CAMTA1: variants seen among roughly 807,000 people sequenced by gnomAD.
CAMTA1 encodes calmodulin binding transcription activator 1, also known as calmodulin-binding transcription activator 1.
A neutral mutation model predicts 170.9 loss-of-function variants in CAMTA1; 27 were observed. The ratio of observed to expected loss-of-function variants is 0.16; its 90% CI spans 0.12 to 0.22. The LOEUF is 0.22. CAMTA1 is among the 10% of genes least tolerant of loss of function. The probability of loss-of-function intolerance (pLI) is 1.00; values close to 1 mark genes in which losing one functional copy is unlikely to be tolerated. For synonymous variants in CAMTA1, 833 were observed against 891.5 expected (o/e 0.93, Z 1.17); for missense variants, 1,619 against 2,217.2 (o/e 0.73, Z 5.42).
chr1:7,505,912 G>C (rs2462928), intron 6 of CAMTA1, among the ~76,000 whole-genome samples: 132,990 of 152,118 alleles, frequency 0.87, 58,595 homozygotes, highest in African/African-American at 0.96. Context: ...ACCTCACCTG[G>C]CCCTCCCAGT....
At position 7,310,732 on chromosome 1, in the gene CAMTA1, TTCTTTCTTTC is replaced by T. The variant is rs1557492196; in HGVS notation, c.438+61108_438+61117del. Among the ~76,000 whole-genome samples, 456 of 95,856 alleles carry T rather than the reference TTCTTTCTTTC, an allele frequency of 4.8e-3. 34 individuals carry two copies. Among genetic ancestry groups the T allele is most frequent in the Middle Eastern group, 0.013 (2 of 154 alleles). 62.9% of individuals were successfully genotyped at this position (95,856 alleles called of 152,430 possible). On this transcript the variant is annotated intron_variant, in intron 5 of 22. Transcript: ENST00000303635. ...TTTCTTTCTTTCTTTCTTTCTTTCT[TTCTTTCTTTC>T]TTTTTTTTAAGACAGTCTTGCTCTG... is the stretch of plus-strand genomic sequence containing the variant.
intron 3 of CAMTA1, among the ~76,000 whole-genome samples, chr1:6,833,156 C>T (rs919070528): frequency 2.6e-5 from 4 of 152,172 alleles, no homozygotes; most frequent in African/African-American, 9.7e-5. Flanking sequence ...ATTGCACCCT[C>T]AGAGTACAGC....
intron 5 of CAMTA1, among the ~76,000 whole-genome samples, chr1:7,370,934 C>T (rs1308439681): frequency 2.8e-3 from 7 of 2,466 alleles, no homozygotes; most frequent in African/African-American, 5.5e-3. Flanking sequence ...TTTTTTGAGA[C>T]GGAGTCTCAC....
chr1:7,614,428 G>T (rs965027892), intron 6 of CAMTA1, among the ~76,000 whole-genome samples: 1 of 152,118 alleles, frequency 6.6e-6, no homozygotes, highest in South Asian at 2.1e-4. Context: ...ATTCATTGAT[G>T]CCAGAACTGA....
At chr1:7,386,471 C>A (rs2088002066) in intron 5 of CAMTA1, among the ~76,000 whole-genome samples, 1 of 152,214 alleles carries the variant, frequency 6.6e-6, no homozygotes, top group African/African-American at 2.4e-5. Flanking sequence ...GGTTTCCAGC[C>A]ATGGCTGGGC....
rs563660387 is a variant in CAMTA1 at position 7,722,846 on chromosome 1, G to C, written c.2915-9602G>C. 4.6e-5 allele frequency among the ~76,000 whole-genome samples: 7 copies of C among 152,224 alleles called. No individual in the cohort carries two copies. The East Asian group carries it at 1.2e-3, about 25-fold the overall frequency. On this transcript the variant is annotated intron_variant, in intron 11 of 22. Coordinates refer to ENST00000303635, the MANE Select transcript of CAMTA1 (RefSeq NM_015215.4). ...GCCTGTAATTGCAGCACTTTGGAAG[G>C]CTGAGGCAGGCAGGAGGATAGCTTG...
rs567611560 is a variant in CAMTA1, at chr1:6,847,766, G to T, written c.234+22556G>T. 6.2e-4 allele frequency among the ~76,000 whole-genome samples: 93 copies of T among 151,212 alleles called. 1 individual carries two copies. Among genetic ancestry groups the T allele is most frequent in the African/African-American group, 2.2e-3 (92 of 41,194 alleles). Reference sequence around the variant, plus strand: ...TCACCCAGGCTGGAGTACAGTGGCGGGATCTCTGCTCACTGCAACCTCCGT... The same window carrying T: ...TCACCCAGGCTGGAGTACAGTGGCGTGATCTCTGCTCACTGCAACCTCCGT... On this transcript the variant is annotated intron_variant, in intron 3 of 22. Coordinates refer to ENST00000303635, the MANE Select transcript of CAMTA1 (RefSeq NM_015215.4).
intron 4 of CAMTA1, among the ~76,000 whole-genome samples, chr1:7,191,897 C>T (rs1243433654): frequency 4.6e-5 from 7 of 152,202 alleles, no homozygotes; most frequent in Non-Finnish European, 1.0e-4. Context: ...ATCAAGAGAT[C>T]TGGGTTCACT....
At chr1:7,402,377 A>T (rs985414294) in intron 5 of CAMTA1, among the ~76,000 whole-genome samples, 11 of 152,064 alleles carry the variant, frequency 7.2e-5, no homozygotes, top group Non-Finnish European at 1.6e-4. Flanking sequence ...ATCCAGCTTG[A>T]GCCTTCCCTC....
At chr1:7,476,126 C>T (rs556241955) in intron 6 of CAMTA1, among the ~76,000 whole-genome samples, 5 of 152,306 alleles carry the variant, frequency 3.3e-5, no homozygotes, top group African/African-American at 9.6e-5. Context: ...CTTTGGCCGC[C>T]ACAGCTGAGC....
At chr1:7,039,168 C>T (rs1252409669) in intron 3 of CAMTA1, among the ~76,000 whole-genome samples, 3 of 152,196 alleles carry the variant, frequency 2.0e-5, no homozygotes, top group African/African-American at 7.2e-5. Flanking sequence ...TTACTTTATG[C>T]TTTATATACT....
chr1:7,128,655 C>A (rs1416217438), intron 4 of CAMTA1, among the ~76,000 whole-genome samples: 2 of 151,370 alleles, frequency 1.3e-5, no homozygotes, highest in African/African-American at 4.9e-5. Context: ...AAAGGATTAG[C>A]CCTATTTTTT....
intron 7 of CAMTA1, among the ~76,000 whole-genome samples, chr1:7,657,402 G>A (rs751596345): frequency 7.2e-5 from 11 of 152,270 alleles, no homozygotes; most frequent in South Asian, 4.1e-4. Flanking sequence ...CAGTGAGCAG[G>A]AGGGGACAGA....
chr1:7,373,112 A>G (rs1228004397), intron 5 of CAMTA1, among the ~76,000 whole-genome samples: 1 of 152,178 alleles, frequency 6.6e-6, no homozygotes, highest in Non-Finnish European at 1.5e-5. Context: ...AGAGTCTGTC[A>G]ATCTTGGCTC....
intron 4 of CAMTA1, among the ~76,000 whole-genome samples, chr1:7,137,370 T>C (rs1425832755): frequency 6.6e-6 from 1 of 152,250 alleles, no homozygotes; most frequent in Non-Finnish European, 1.5e-5. Flanking sequence ...CCTGTTCTAC[T>C]CAAAGTCTAG....
chr1:7,380,985 C>T (rs1231873936), intron 5 of CAMTA1, among the ~76,000 whole-genome samples: 1 of 152,112 alleles, frequency 6.6e-6, no homozygotes, highest in Non-Finnish European at 1.5e-5. Flanking sequence ...GCCCTAAGGT[C>T]ATGCAAGGAT....
intron 3 of CAMTA1, among the ~76,000 whole-genome samples, chr1:7,076,936 G>A (rs979679294): frequency 6.6e-6 from 1 of 152,220 alleles, no homozygotes; most frequent in Non-Finnish European, 1.5e-5. Context: ...TGTCATGTGG[G>A]ATTCATGATC....
intron 5 of CAMTA1, among the ~76,000 whole-genome samples, chr1:7,270,534 G>A (rs1669645580): frequency 6.6e-6 from 1 of 152,034 alleles, no homozygotes; most frequent in Non-Finnish European, 1.5e-5. Context: ...GACCTCAGGT[G>A]ATCCGCCTGC....
intron 3 of CAMTA1, among the ~76,000 whole-genome samples, chr1:7,032,837 A>G (rs1222059669): frequency 6.6e-6 from 1 of 151,836 alleles, no homozygotes; most frequent in African/African-American, 2.4e-5. Context: ...CTAGGTTGAT[A>G]GTTTTTGTTT....
Sources: allele counts gnomAD v4.1 joint callset (sites outside exome capture counted in the v4.1 genomes callset), GRCh38; gene constraint gnomAD v4.1.1; transcripts MANE v1.5; gene names NCBI Gene and HGNC (gene_info 2026-07-23, HGNC 2026-07-21).